LHFPL6: variants seen among roughly 807,000 people sequenced by gnomAD.
The protein encoded by LHFPL6 is LHFPL tetraspan subfamily member 6, also known as LHFPL tetraspan subfamily member 6 protein.
A neutral mutation model predicts 20.6 loss-of-function variants in LHFPL6; 9 were observed. The observed-to-expected ratio is 0.44, with a 90% confidence interval of 0.26 to 0.76. LHFPL6 has a LOEUF of 0.76. LHFPL6 is among the 30% of genes least tolerant of loss of function. LHFPL6 has a pLI of 0.20. For synonymous variants in LHFPL6, 105 were observed against 98.7 expected (o/e 1.06, Z -0.38); for missense variants, 218 against 253.5 (o/e 0.86, Z 0.95).
intron 2 of LHFPL6, among the ~76,000 whole-genome samples, chr13:39,442,119 G>A (rs537832604): frequency 1.3e-5 from 2 of 152,022 alleles, no homozygotes; most frequent in East Asian, 1.9e-4. Flanking sequence ...ATGAGCCACC[G>A]CCCCCAGCTG....
intron 2 of LHFPL6, among the ~76,000 whole-genome samples, chr13:39,411,169 C>T (rs1180956864): frequency 6.6e-6 from 1 of 152,180 alleles, no homozygotes; most frequent in Admixed American, 6.5e-5. Flanking sequence ...CGAATATGCA[C>T]ATCAACTGTA....
chr13:39,422,372 G>A (rs946416359), intron 2 of LHFPL6, among the ~76,000 whole-genome samples: 6 of 152,268 alleles, frequency 3.9e-5, no homozygotes, highest in South Asian at 4.1e-4. Context: ...ATCATCTGAT[G>A]TCAGGAGTTT....
At chr13:39,359,089 G>A (rs1387252135) in intron 3 of LHFPL6, among the ~76,000 whole-genome samples, 1 of 150,724 alleles carries the variant, frequency 6.6e-6, no homozygotes, top group Non-Finnish European at 1.5e-5. Flanking sequence ...TTGAACCCGG[G>A]AGGCGGATGT....
intron 2 of LHFPL6, among the ~76,000 whole-genome samples, chr13:39,545,245 C>CAAA (rs35606384): frequency 1.4e-3 from 94 of 67,478 alleles, no homozygotes; most frequent in Non-Finnish European, 1.6e-3. Context: ...GACTCCGTCT[C>CAAA]AAAAAAAAAA....
chr13:39,422,482 A>C (rs2138397169), intron 2 of LHFPL6, among the ~76,000 whole-genome samples: 1 of 151,358 alleles, frequency 6.6e-6, no homozygotes, highest in Non-Finnish European at 1.5e-5. Context: ...GCTACTCAGG[A>C]GGCTAAGACA....
At chr13:39,490,249 AT>A (rs2138453188) in intron 2 of LHFPL6, among the ~76,000 whole-genome samples, 1 of 152,336 alleles carries the variant, frequency 6.6e-6, no homozygotes, top group South Asian at 2.1e-4. Context: ...ACATGCAGGA[AT>A]TGCAGGAATT....
At chr13:39,567,038 T>TTC (rs1555268580) in intron 2 of LHFPL6, among the ~76,000 whole-genome samples, 5 of 150,164 alleles carry the variant, frequency 3.3e-5, no homozygotes, top group Admixed American at 1.3e-4. Flanking sequence ...GGTTTTTTTT[T>TTC]TTTTTTCATT....
Position 39,368,651 on chromosome 13 carries a change from T to C in LHFPL6, c.484+9777A>G, listed in dbSNP as rs184848767. 7.2e-5 allele frequency among the ~76,000 whole-genome samples: 11 copies of C among 152,212 alleles called. No individual in the cohort carries two copies. In the East Asian group the frequency reaches 7.7e-4, roughly 11 times the overall value. ...AAAAGGACTGAAGATTGTTCCTTCA[T>C]AGCATGATTTTAAAATGATTTATGA... On this transcript the variant is annotated intron_variant, in intron 3 of 3. Transcript: ENST00000379589.
chr13:39,347,193 C>T (rs749852481), intron 3 of LHFPL6, among the ~76,000 whole-genome samples: 34 of 151,956 alleles, frequency 2.2e-4, no homozygotes, highest in Non-Finnish European at 4.0e-4. Context: ...CATGACCACT[C>T]TCTCCTGTGT....
chr13:39,524,942 C>A (rs1324143265), intron 2 of LHFPL6, among the ~76,000 whole-genome samples: 1 of 152,180 alleles, frequency 6.6e-6, no homozygotes, highest in African/African-American at 2.4e-5. Context: ...ATAAAACTTA[C>A]TGAATTATTC....
intron 2 of LHFPL6, among the ~76,000 whole-genome samples, chr13:39,525,634 G>T (rs1177682904): frequency 1.3e-5 from 2 of 151,652 alleles, no homozygotes; most frequent in Non-Finnish European, 2.9e-5. Context: ...TCTTCTTTTT[G>T]ACCTTGAGGA....
intron 2 of LHFPL6, among the ~76,000 whole-genome samples, chr13:39,457,629 C>T (rs148044863): frequency 6.6e-5 from 10 of 152,096 alleles, no homozygotes; most frequent in South Asian, 2.1e-4. Flanking sequence ...TTCCTGTTTG[C>T]GCAAAGGCAA....
chr13:39,586,507 C>T (rs1872453156), intron 2 of LHFPL6, among the ~76,000 whole-genome samples: 2 of 152,128 alleles, frequency 1.3e-5, no homozygotes, highest in African/African-American at 2.4e-5. Flanking sequence ...TTCTTTCCCC[C>T]TTTTCATTAA....
chr13:39,588,468 A>T (rs917538584), intron 2 of LHFPL6, among the ~76,000 whole-genome samples: 1 of 152,228 alleles, frequency 6.6e-6, no homozygotes, highest in Non-Finnish European at 1.5e-5. Context: ...GCCATTCCCA[A>T]ATAAGTTTGT....
intron 2 of LHFPL6, among the ~76,000 whole-genome samples, chr13:39,556,237 G>C (rs1871300653): frequency 6.6e-6 from 1 of 152,152 alleles, no homozygotes; most frequent in African/African-American, 2.4e-5. Flanking sequence ...TAAGGAGTGG[G>C]GTGCTGAAAA....
At position 39,344,061 on chromosome 13, in the gene LHFPL6, A is replaced by T; in HGVS notation, c.485-7T>A. ...CAGCCGATTTCACACTTCCCTAAGG[A>T]CAAAGGAAGGGGAAAGAAGAAAGTC... On this transcript the variant is annotated splice_polypyrimidine_tract_variant and splice_region_variant and intron_variant, in intron 3 of 3. Transcript: ENST00000379589. 2 of 1,601,816 alleles carry T rather than the reference A, an allele frequency of 1.2e-6. No homozygotes were observed. The highest frequency in any genetic ancestry group is 1.7e-6 in the Non-Finnish European group (2 of 1,170,570).
At chr13:39,484,102 A>C (rs1868631032) in intron 2 of LHFPL6, among the ~76,000 whole-genome samples, 1 of 152,134 alleles carries the variant, frequency 6.6e-6, no homozygotes, top group African/African-American at 2.4e-5. Context: ...CTGTGCTTTC[A>C]ATGCCATTCA....
intron 2 of LHFPL6, among the ~76,000 whole-genome samples, chr13:39,566,270 C>T (rs781288536): frequency 1.3e-5 from 2 of 152,158 alleles, no homozygotes; most frequent in Non-Finnish European, 2.9e-5. Flanking sequence ...TTTTCTAACT[C>T]ATTCATTTTT....
intron 2 of LHFPL6, among the ~76,000 whole-genome samples, chr13:39,496,906 G>C (rs2138459654): frequency 6.6e-6 from 1 of 152,196 alleles, no homozygotes; most frequent in Non-Finnish European, 1.5e-5. Flanking sequence ...CCACAGTATT[G>C]GCCACATCTC....
Sources: gnomAD v4.1 joint callset for allele counts (sites outside exome capture counted in the v4.1 genomes callset) on GRCh38, gnomAD v4.1.1 for gene constraint, MANE v1.5 for transcripts, NCBI Gene and HGNC (gene_info 2026-07-23, HGNC 2026-07-21) for gene names.